The following SNRPA variants were observed in gnomAD, a reference collection of about 807,000 sequenced individuals.
SNRPA encodes U1 small nuclear ribonucleoprotein A.
In SNRPA, 10 loss-of-function variants were observed where a neutral mutation model predicts 24.5. The observed-to-expected ratio is 0.41, with a 90% CI of 0.25 to 0.69. SNRPA has a LOEUF of 0.69. Ranked by LOEUF, SNRPA falls within the 30% of genes least tolerant of loss-of-function variation. The pLI is 0.33. For synonymous variants in SNRPA, 165 were observed against 148.4 expected, an observed-to-expected ratio of 1.11 and a Z score of -0.81; for missense variants, 283 against 394.7, an observed-to-expected ratio of 0.72 and a Z score of 2.40.
At chr19:40,763,565 C>T (rs372050057) in intron 4 of SNRPA, 22 bp from the exon 5 acceptor site, 25 of 1,606,650 alleles carry the variant, frequency 1.6e-5, no homozygotes, top group Non-Finnish European at 1.8e-5. Flanking sequence ...TTGTGCTCAC[C>T]GACTCCCCTA....
rs2082922442 is a variant in SNRPA, at chr19:40,759,495, G to A, written c.311G>A (p.Arg104Gln). Residue 104 changes from arginine (R) to glutamine (Q), a missense_variant, in exon 3 of 6, where the codon CGG becomes CAG. Coordinates refer to ENST00000243563, the MANE Select transcript of SNRPA (RefSeq NM_004596.5). The stretch of plus-strand genomic sequence containing the variant: ...AAGATGAAAGGCACCTTCGTGGAGC[G>A]GGACCGCAAGCGGGAGAAGAGGAAG... ...IAKMKGTFVERDRKREKRKPK... is the reference protein window; with the variant it reads ...IAKMKGTFVEQDRKREKRKPK... 1 of 1,613,974 alleles carries A rather than the reference G, an allele frequency of 6.2e-7. No homozygotes were observed. Among genetic ancestry groups the A allele is most frequent in the Non-Finnish European group, 8.5e-7 (1 of 1,179,974 alleles).
In SNRPA at chr19:40,751,327, A is replaced by T. The variant is rs2082857443; in HGVS notation, c.-82A>T. ...TCGGAGGAAGATCCTTGAGCAGCCG[A>T]CGTTGGGACAAAGGATTTGGAGAAA... On this transcript the variant is annotated 5_prime_UTR_variant, in exon 1 of 6. Transcript: ENST00000243563. The T allele has an allele frequency of 1.1e-5, 11 of 1,047,236 alleles. No homozygotes were observed. The highest frequency in any genetic ancestry group is 1.7e-5 in the Non-Finnish European group (11 of 664,078). 64.9% of individuals were successfully genotyped at this position (1,047,236 alleles called of 1,614,324 possible). A position where few individuals can be genotyped will look rare whatever the true frequency, so the allele number is the denominator to read the frequency against.
intron 5 of SNRPA, among the ~76,000 whole-genome samples, chr19:40,764,517 A>G (rs1031909877): frequency 2.0e-5 from 3 of 152,096 alleles, no homozygotes; most frequent in Non-Finnish European, 2.9e-5. Flanking sequence ...GAAATTAGAG[A>G]AACAGCATAT....
intron 3 of SNRPA, among the ~76,000 whole-genome samples, chr19:40,760,211 C>T (rs943837003): frequency 6.6e-6 from 1 of 152,094 alleles, no homozygotes; most frequent in South Asian, 2.1e-4. Flanking sequence ...TTTGTAGAGA[C>T]GGGGCTTAGC....
chr19:40,758,813 G>C (rs754126691), intron 2 of SNRPA: 1 of 151,750 alleles, frequency 6.6e-6, no homozygotes, highest in Non-Finnish European at 1.5e-5. Context: ...TGCAACCTTC[G>C]CCTCCTGGGT....
At chr19:40,752,579 C>CA (rs59705765) in intron 1 of SNRPA, among the ~76,000 whole-genome samples, 1,724 of 60,066 alleles carry the variant, frequency 0.029, 24 homozygotes, top group Non-Finnish European at 0.038. Context: ...CTTTTCTCTA[C>CA]AAAAAAAAAA....
chr19:40,757,772 G>A (rs1380484682), intron 2 of SNRPA, among the ~76,000 whole-genome samples: 1 of 151,606 alleles, frequency 6.6e-6, no homozygotes, highest in Non-Finnish European at 1.5e-5. Flanking sequence ...GTGAAACCCT[G>A]TCTCTACTAA....
At chr19:40,756,130 G>C (rs945628391) in intron 1 of SNRPA, among the ~76,000 whole-genome samples, 1 of 152,042 alleles carries the variant, frequency 6.6e-6, no homozygotes, top group Non-Finnish European at 1.5e-5. Context: ...TTAGCCGTGC[G>C]TCGTGCTGCG....
At chr19:40,763,553 T>C (rs935420833) in intron 4 of SNRPA, 34 bp from the exon 5 acceptor site, 1 of 1,566,340 alleles carries the variant, frequency 6.4e-7, no homozygotes. Context: ...GACTCAGGGC[T>C]CTTGTGCTCA....
rs766133681 is a variant in SNRPA at position 40,751,403 on chromosome 19, C to A, written c.-6C>A. 29 of 1,609,104 alleles carry A rather than the reference C, an allele frequency of 1.8e-5. No homozygotes were observed. The highest frequency in any genetic ancestry group is 2.3e-5 in the Non-Finnish European group (27 of 1,175,598). On this transcript the variant is annotated 5_prime_UTR_variant, in exon 1 of 6. Coordinates refer to ENST00000243563, the MANE Select transcript of SNRPA (RefSeq NM_004596.5). ...TCCTTTAAGACTTACCTCAACACTT[C>A]ACTCCATGGCAGTTCCCGAGACCCG...
At chr19:40,763,516 A>G in intron 4 of SNRPA, 71 bp from the exon 5 acceptor site, 1 of 1,126,908 alleles carries the variant, frequency 8.9e-7, no homozygotes. Context: ...GGATGGAGGA[A>G]GTGGCAGTAC....
intron 5 of SNRPA, among the ~76,000 whole-genome samples, chr19:40,764,128 T>C (rs574769592): frequency 4.6e-5 from 7 of 152,202 alleles, no homozygotes; most frequent in Admixed American, 1.3e-4. Flanking sequence ...GTGCAGCCGA[T>C]GTGTAGAGGG....
At chr19:40,752,941 C>T (rs1239986583) in intron 1 of SNRPA, among the ~76,000 whole-genome samples, 6 of 152,130 alleles carry the variant, frequency 3.9e-5, no homozygotes, top group African/African-American at 1.4e-4. Flanking sequence ...TTTATGGTAA[C>T]TGGCAGCTAG....
In SNRPA at chr19:40,751,687, T is replaced by C. The variant is rs188861343; in HGVS notation, c.73+206T>C. The C allele has an allele frequency of 1.3e-5, 7 of 557,252 alleles. No individual in the cohort carries two copies. The Admixed American group carries it at 1.7e-4, about 14-fold the overall frequency. The allele number at this position is 557,252 out of a possible 1,614,324, so 34.5% of individuals were successfully genotyped here. On this transcript the variant is annotated intron_variant, in intron 1 of 5. Transcript: ENST00000243563. ...TTTAACGTGGTCACTGCTGCTCATC[T>C]TACAAGGTTTGAGGTCACAGGACCC...
intron 1 of SNRPA, among the ~76,000 whole-genome samples, chr19:40,751,945 T>C (rs1231354232): frequency 3.3e-5 from 5 of 152,232 alleles, no homozygotes; most frequent in Admixed American, 3.3e-4. Flanking sequence ...CTCTGTATCA[T>C]GGGCTGGTCT....
At chr19:40,752,579 CAAAAAAAA>C (rs59705765) in intron 1 of SNRPA, among the ~76,000 whole-genome samples, 3 of 61,280 alleles carry the variant, frequency 4.9e-5, no homozygotes, top group South Asian at 7.2e-4. Context: ...CTTTTCTCTA[CAAAAAAAA>C]AAAAAAAAAA....
chr19:40,752,582 A>C (rs866127943), intron 1 of SNRPA, among the ~76,000 whole-genome samples: 1 of 23,282 alleles, frequency 4.3e-5, no homozygotes, highest in African/African-American at 1.6e-4. Context: ...TTCTCTACAA[A>C]AAAAAAAAAA....
At chr19:40,752,205 C>T (rs1043363550) in intron 1 of SNRPA, among the ~76,000 whole-genome samples, 12 of 151,760 alleles carry the variant, frequency 7.9e-5, no homozygotes, top group East Asian at 3.9e-4. Context: ...GGCATGGTGG[C>T]GCATGCCTAT....
At chr19:40,757,881 G>A (rs1433608968) in intron 2 of SNRPA, among the ~76,000 whole-genome samples, 2 of 151,592 alleles carry the variant, frequency 1.3e-5, no homozygotes, top group African/African-American at 4.8e-5. Flanking sequence ...GGCAGAGATT[G>A]CAGTGAGCCG....
Sources: gnomAD v4.1 joint callset for allele counts (sites outside exome capture counted in the v4.1 genomes callset) on GRCh38, gnomAD v4.1.1 for gene constraint, MANE v1.5 for transcripts, NCBI Gene and HGNC (gene_info 2026-07-23, HGNC 2026-07-21) for gene names.